The following PTGER3 variants were observed in gnomAD, a reference collection of about 807,000 sequenced individuals.
The protein encoded by PTGER3 is prostaglandin E2 receptor EP3 subtype.
A neutral mutation model predicts 34.7 loss-of-function variants in PTGER3; 22 were observed. The ratio of observed to expected loss-of-function variants is 0.63; its 90% CI spans 0.45 to 0.91. The LOEUF (loss-of-function observed/expected upper bound fraction) is 0.91. Ranked by LOEUF, PTGER3 falls within the 40% of genes least tolerant of loss-of-function variation. PTGER3 has a pLI of 0.00. For synonymous variants in PTGER3, 241 were observed against 230.1 expected, an observed-to-expected ratio of 1.05 and a Z score of -0.43; for missense variants, 468 against 519.4, an observed-to-expected ratio of 0.90 and a Z score of 0.96.
At position 71,041,700 on chromosome 1, in the gene PTGER3, T is replaced by C. The variant is rs1660326205; in HGVS notation, c.897+4981A>G. On this transcript the variant is annotated intron_variant, in intron 1 of 3. Coordinates refer to ENST00000306666, the MANE Select transcript of PTGER3 (RefSeq NM_198719.2). ...TACAAACTTCCTTCCTGTCTTTTTG[T>C]AAAGCAATTGGAAAAAATGGGAGAG... Among the ~76,000 whole-genome samples the C allele has an allele frequency of 2.0e-5, 3 of 152,186 alleles. No homozygotes were observed. In the South Asian group the frequency reaches 6.2e-4, roughly 32 times the overall value.
At chr1:71,017,367 C>T (rs1252054959) in intron 1 of PTGER3, among the ~76,000 whole-genome samples, 1 of 152,166 alleles carries the variant, frequency 6.6e-6, no homozygotes, top group Non-Finnish European at 1.5e-5. Flanking sequence ...ACTTTTCTCT[C>T]AGAGACTTAA....
At chr1:70,969,909 C>A (rs1292753696), downstream of PTGER3, among the ~76,000 whole-genome samples, 1 of 152,148 alleles carries the variant, frequency 6.6e-6, no homozygotes, top group African/African-American at 2.4e-5. Flanking sequence ...TACGTTATTA[C>A]AATTACCCTA....
At chr1:70,962,347 A>C (rs963275882) in intron 2 of PTGER3, among the ~76,000 whole-genome samples, 2 of 152,116 alleles carry the variant, frequency 1.3e-5, no homozygotes, top group Admixed American at 1.3e-4. Context: ...TTTGTTTGCT[A>C]TCTCAACAGG....
chr1:70,863,042 G>T (rs1251649523), intron 4 of PTGER3, among the ~76,000 whole-genome samples: 1 of 152,072 alleles, frequency 6.6e-6, no homozygotes. Context: ...ATTGGTGGTA[G>T]GTTATTTAAA....
intron 4 of PTGER3, among the ~76,000 whole-genome samples, chr1:70,897,385 C>T (rs1646744095): frequency 6.6e-6 from 1 of 152,150 alleles, no homozygotes; most frequent in Non-Finnish European, 1.5e-5. Flanking sequence ...CTGCTGTCAC[C>T]AAATGACTCT....
chr1:71,007,908 A>C (rs1312724949), intron 2 of PTGER3: 1 of 985,272 alleles, frequency 1.0e-6, no homozygotes, highest in Non-Finnish European at 1.2e-6. Context: ...TGCTCAAAAA[A>C]GCATGAAAAG....
chr1:70,998,723 G>A (rs1471475543), intron 2 of PTGER3, among the ~76,000 whole-genome samples: 3 of 152,090 alleles, frequency 2.0e-5, no homozygotes, highest in African/African-American at 4.8e-5. Context: ...ATCACAGTCC[G>A]GAAATTCTCT....
At chr1:70,884,367 A>G (rs12130467) in intron 4 of PTGER3, among the ~76,000 whole-genome samples, 11,440 of 152,226 alleles carry the variant, frequency 0.075, 642 homozygotes, top group Non-Finnish European at 0.11. Context: ...GTTACATTAT[A>G]TTGCCAAAGG....
intron 4 of PTGER3, among the ~76,000 whole-genome samples, chr1:70,892,259 G>A (rs1376578070): frequency 2.6e-5 from 4 of 152,140 alleles, no homozygotes; most frequent in South Asian, 4.1e-4. Context: ...TTGAGTTTCC[G>A]CATGTAAAAT....
At chr1:70,896,684 A>G (rs759439602) in intron 4 of PTGER3, among the ~76,000 whole-genome samples, 3 of 152,182 alleles carry the variant, frequency 2.0e-5, no homozygotes, top group Non-Finnish European at 2.9e-5. Flanking sequence ...TTAAAATCAC[A>G]GAGTCTGAAA....
At chr1:70,925,334 C>T (rs1647958148) in intron 4 of PTGER3, among the ~76,000 whole-genome samples, 1 of 152,148 alleles carries the variant, frequency 6.6e-6, no homozygotes, top group Non-Finnish European at 1.5e-5. Context: ...AACTTTAATA[C>T]ATTTTAAAAT....
At chr1:70,914,247 G>C (rs1479866081) in intron 4 of PTGER3, among the ~76,000 whole-genome samples, 1 of 151,730 alleles carries the variant, frequency 6.6e-6, no homozygotes, top group Admixed American at 6.6e-5. Context: ...TGAATATTCG[G>C]AGTTAATGGA....
At chr1:70,967,084 C>A (rs1324336412), downstream of PTGER3, among the ~76,000 whole-genome samples, 1 of 151,584 alleles carries the variant, frequency 6.6e-6, no homozygotes, top group Non-Finnish European at 1.5e-5. Flanking sequence ...CATGTCATGC[C>A]ATGTTAAAAA....
At chr1:70,867,015 T>C (rs1341597955) in intron 4 of PTGER3, among the ~76,000 whole-genome samples, 2 of 152,238 alleles carry the variant, frequency 1.3e-5, no homozygotes, top group East Asian at 3.8e-4. Flanking sequence ...TTTTTCACAA[T>C]TGCCTCAACC....
At chr1:70,915,588 T>C (rs1036571845) in intron 4 of PTGER3, among the ~76,000 whole-genome samples, 12 of 151,892 alleles carry the variant, frequency 7.9e-5, no homozygotes, top group African/African-American at 2.7e-4. Context: ...ACAATAAACT[T>C]TACTTGACTG....
At chr1:70,877,158 G>A (rs905723294) in intron 4 of PTGER3, among the ~76,000 whole-genome samples, 3 of 152,014 alleles carry the variant, frequency 2.0e-5, no homozygotes, top group African/African-American at 7.2e-5. Context: ...TTCTCATTAT[G>A]GAGATTTTTC....
At chr1:71,036,634 A>G (rs552326357) in intron 1 of PTGER3, among the ~76,000 whole-genome samples, 44 of 152,200 alleles carry the variant, frequency 2.9e-4, no homozygotes, top group African/African-American at 1.0e-3. Flanking sequence ...AGGTCAGGAG[A>G]TCGAGACCAT....
chr1:70,930,799 G>A (rs958829068), intron 4 of PTGER3, among the ~76,000 whole-genome samples: 1 of 152,132 alleles, frequency 6.6e-6, no homozygotes, highest in Non-Finnish European at 1.5e-5. Context: ...AATTATGGGA[G>A]TACAATTAAA....
chr1:71,012,120 A>G, intron 2 of PTGER3, 185 bp downstream of exon 2: 1 of 1,514,022 alleles, frequency 6.6e-7, no homozygotes, highest in South Asian at 1.3e-5. Flanking sequence ...ACTTCAATGC[A>G]TAAACAGTGG....
Sources: allele counts gnomAD v4.1 joint callset (sites outside exome capture counted in the v4.1 genomes callset), GRCh38; gene constraint gnomAD v4.1.1; transcripts MANE v1.5; gene names NCBI Gene and HGNC (gene_info 2026-07-23, HGNC 2026-07-21).